Variants in TRAF3IP2 observed in about 807,000 individuals in gnomAD.
TRAF3IP2 encodes TRAF3 interacting protein 2.
In TRAF3IP2, 35 loss-of-function variants were observed where a neutral mutation model predicts 57.9. The ratio of observed to expected loss-of-function variants is 0.60; its 90% confidence interval spans 0.46 to 0.80. The LOEUF (loss-of-function observed/expected upper bound fraction) is 0.80, where lower values mean the gene tolerates loss of function less well. TRAF3IP2 is among the 30% of genes least tolerant of loss of function. The pLI, the probability that TRAF3IP2 is intolerant of heterozygous loss-of-function variation, is 0.00. For missense variants in TRAF3IP2, 556 were observed against 706.4 expected (o/e 0.79, Z 2.41); for synonymous variants, 251 against 268.9 (o/e 0.93, Z 0.65).
rs1795499663 is a variant in TRAF3IP2, at chr6:111,562,908, G to A, written c.1551+57C>T. The A allele has an allele frequency of 3.8e-6, 5 of 1,311,014 alleles. No homozygotes were observed. In the Admixed American group the frequency reaches 9.7e-5, roughly 25 times the overall value. 81.2% of individuals were successfully genotyped at this position (1,311,014 alleles called of 1,614,324 possible). A position where few individuals can be genotyped will look rare whatever the true frequency, so the allele number is the denominator to read the frequency against. On this transcript the variant is annotated intron_variant, in intron 8 of 8. Transcript: ENST00000368761. ...ACAAGGTTTTCCATTTAAAATCCCA[G>A]ATGGCAAAGCAAACCAAAGATTGAA...
At chr6:111,572,672 T>C (rs1026301747) in intron 5 of TRAF3IP2, 1 of 540,144 alleles carries the variant, frequency 1.9e-6, no homozygotes, top group Non-Finnish European at 3.3e-6. Context: ...TCAGAGGTAC[T>C]TGGGGTCACT....
At chr6:111,589,071 C>T (rs200229715) in intron 2 of TRAF3IP2, among the ~76,000 whole-genome samples, 18 of 123,096 alleles carry the variant, frequency 1.5e-4, no homozygotes, top group South Asian at 5.2e-4. Context: ...GAAAAATTAT[C>T]TTTTTTTTTT....
At position 111,591,754 on chromosome 6, in the gene TRAF3IP2, A is replaced by G; in HGVS notation, c.333T>C (p.Ser111=). The change falls in exon 2 of 9, where the codon TCT becomes TCC. Residue 111 remains serine (S), a synonymous_variant. Transcript: ENST00000368761. The surrounding 1 kb of genome is among the most constrained non-coding windows in gnomAD (Gnocchi z 4.9). The part of the protein sequence containing the change: ...GLGKAFPSGC[S]AVSEPASESV... ...ACTCAGACGCAGGCTCGCTGACTGC[A>G]GAGCACCCAGAAGGGAAAGCTTTGC... 6.2e-7 allele frequency: 1 copy of G among 1,614,230 alleles called. No homozygotes were observed. The highest frequency in any genetic ancestry group is 8.5e-7 in the Non-Finnish European group (1 of 1,180,034).
chr6:111,576,812 T>C (rs1033162215), intron 3 of TRAF3IP2: 11 of 152,212 alleles, frequency 7.2e-5, no homozygotes, highest in Non-Finnish European at 1.0e-4. Flanking sequence ...ATCTGGGTAG[T>C]GGGAACATGG....
At chr6:111,566,148 A>G (rs2128371233) in intron 7 of TRAF3IP2, among the ~76,000 whole-genome samples, 2 of 152,290 alleles carry the variant, frequency 1.3e-5, no homozygotes, top group South Asian at 4.1e-4. Context: ...AGTTGCTGGT[A>G]AACAGCCAAG....
chr6:111,564,403 A>G (rs1024683533), intron 7 of TRAF3IP2, among the ~76,000 whole-genome samples: 7 of 152,198 alleles, frequency 4.6e-5, no homozygotes, highest in Non-Finnish European at 8.8e-5. Context: ...GACTCCGTAT[A>G]CTGTGAAGTT....
intron 3 of TRAF3IP2, among the ~76,000 whole-genome samples, chr6:111,579,929 G>A (rs1173734912): frequency 6.6e-6 from 1 of 152,076 alleles, no homozygotes; most frequent in Non-Finnish European, 1.5e-5. Context: ...TAAAAGAAAG[G>A]GGTGTGACTT....
chr6:111,601,823 T>C (rs1366863337), intron 1 of TRAF3IP2: 1 of 152,118 alleles, frequency 6.6e-6, no homozygotes, highest in Non-Finnish European at 1.5e-5. Flanking sequence ...CCCCAGAGAG[T>C]AATCTTTTTA....
At chr6:111,572,126 A>G (rs1255770295) in intron 5 of TRAF3IP2, among the ~76,000 whole-genome samples, 2 of 152,206 alleles carry the variant, frequency 1.3e-5, no homozygotes, top group South Asian at 4.1e-4. Flanking sequence ...GGAAAGGAAA[A>G]GAAGTTATCT....
chr6:111,569,779 A>G (rs1795772653), intron 5 of TRAF3IP2, among the ~76,000 whole-genome samples: 1 of 152,148 alleles, frequency 6.6e-6, no homozygotes, highest in African/African-American at 2.4e-5. Flanking sequence ...TAAATAAAAA[A>G]TAGTGATTAT....
At chr6:111,604,702 A>AG (rs1253373152) in intron 1 of TRAF3IP2, among the ~76,000 whole-genome samples, 3 of 152,188 alleles carry the variant, frequency 2.0e-5, no homozygotes, top group Non-Finnish European at 4.4e-5. Context: ...TTGACATGGA[A>AG]GGGGGGTGAG....
intron 1 of TRAF3IP2, among the ~76,000 whole-genome samples, chr6:111,603,828 C>T (rs2128386954): frequency 6.6e-6 from 1 of 152,270 alleles, no homozygotes; most frequent in East Asian, 1.9e-4. Flanking sequence ...TCTGTTTAAC[C>T]CACCCCATGC....
At chr6:111,561,186 A>G (rs1245478777) in intron 8 of TRAF3IP2, among the ~76,000 whole-genome samples, 1 of 151,610 alleles carries the variant, frequency 6.6e-6, no homozygotes, top group Admixed American at 6.6e-5. Context: ...TGTCTCAAAA[A>G]AAAAAAACAC....
rs570988970 is a variant in TRAF3IP2 at position 111,588,789 on chromosome 6, A to C, written c.829+2469T>G. ...GAAACTATTTTAAATGTCCAACAATAAAGAATAGGTTCATAACAATTTGGT... is the reference window on the plus strand; with the variant it reads ...GAAACTATTTTAAATGTCCAACAATCAAGAATAGGTTCATAACAATTTGGT... On this transcript the variant is annotated intron_variant, in intron 2 of 8. Coordinates refer to ENST00000368761, the MANE Select transcript of TRAF3IP2 (RefSeq NM_147686.4). Among the ~76,000 whole-genome samples, 4 of 152,370 alleles carry C rather than the reference A, an allele frequency of 2.6e-5. No individual in the cohort carries two copies. The East Asian group carries it at 7.7e-4, about 29-fold the overall frequency.
chr6:111,572,977 A>G lies in TRAF3IP2; in HGVS notation c.1208T>C (p.Val403Ala). The G allele has an allele frequency of 6.2e-7, 1 of 1,612,720 alleles. No individual in the cohort carries two copies. Among genetic ancestry groups the G allele is most frequent in the Non-Finnish European group, 8.5e-7 (1 of 1,179,428 alleles). The change falls in exon 5 of 9, where the codon GTC (valine) becomes GCC (alanine). Residue 403 changes from valine (V) to alanine (A), a missense_variant. By Grantham distance (64) the Val-to-Ala change is moderately conservative. Around this residue, in one of 2 missense-constraint regions of TRAF3IP2, gnomAD observed 428 missense variants for 498.7 expected, o/e 0.86. Transcript: ENST00000368761. ...TSNLPEELRK[V>A]FITYSMDTAM... ...TGTGTCCATCGAATAAGTGATAAAGACTTTCCCTAAGAGAAAATTTTTACA... is the reference window on the plus strand; with the variant it reads ...TGTGTCCATCGAATAAGTGATAAAGGCTTTCCCTAAGAGAAAATTTTTACA...
chr6:111,598,805 G>C (rs1038366038), intron 1 of TRAF3IP2, among the ~76,000 whole-genome samples: 10 of 152,194 alleles, frequency 6.6e-5, no homozygotes, highest in Admixed American at 2.6e-4. Flanking sequence ...TGATTCTGAT[G>C]CTCACAAAGA....
chr6:111,591,413 TG>T lies in TRAF3IP2; in HGVS notation c.673del (p.Gln225ArgfsTer65). The T allele has an allele frequency of 6.4e-7, 1 of 1,563,194 alleles. No homozygotes were observed. The highest frequency in any genetic ancestry group is 8.7e-7 in the Non-Finnish European group (1 of 1,155,630). On this transcript the variant is annotated frameshift_variant, in exon 2 of 9. Coordinates refer to ENST00000368761, the MANE Select transcript of TRAF3IP2 (RefSeq NM_147686.4). LOFTEE classifies it high-confidence loss of function. This position sits in a 1 kb window ranked among gnomAD's most constrained non-coding sequence, Gnocchi z 4.9. ...GGACCTGAGAGGTCTGGGGAGGTCC[TG>T]GGGGTAACACACGGAGGTGAGGGGC... Reference protein sequence around the residue: ...PLPLTSVCYPQDLPRPLRSRE... With the variant: ...PLPLTSVCYPXDLPRPLRSRE...
intron 1 of TRAF3IP2, chr6:111,597,836 A>G: frequency 2.2e-6 from 1 of 455,082 alleles, no homozygotes; most frequent in Non-Finnish European, 4.4e-6. Flanking sequence ...TTTTTTTTCC[A>G]GGCTTTCTCC....
At chr6:111,570,155 G>A (rs879079331) in intron 5 of TRAF3IP2, among the ~76,000 whole-genome samples, 32 of 152,214 alleles carry the variant, frequency 2.1e-4, no homozygotes, top group African/African-American at 7.7e-4. Context: ...TGTGAGGACA[G>A]AAGGAGAAGA....
Sources: gnomAD v4.1 joint callset for allele counts (sites outside exome capture counted in the v4.1 genomes callset) on GRCh38, gnomAD v4.1.1 for gene constraint, gnomAD v4.1.1 regional missense constraint, Gnocchi (gnomAD v3.1) non-coding constraint, MANE v1.5 for transcripts, NCBI Gene and HGNC (gene_info 2026-07-23, HGNC 2026-07-21) for gene names.